GPC6: variants seen among roughly 807,000 people sequenced by gnomAD.
GPC6 encodes glypican-6.
GPC6 carries 14 observed loss-of-function variants against 55.2 expected under a neutral mutation model. That is an observed-to-expected ratio of 0.25 (90% CI 0.17 to 0.40). GPC6 has a LOEUF of 0.40. Among genes scored for constraint, GPC6 ranks in the 10% least tolerant of loss-of-function variants. The pLI, the probability that GPC6 is intolerant of heterozygous loss-of-function variation, is 1.00. For missense variants in GPC6, 641 were observed against 708.5 expected, an observed-to-expected ratio of 0.90 and a Z score of 1.08; for synonymous variants, 278 against 259.6, an observed-to-expected ratio of 1.07 and a Z score of -0.68.
intron 2 of GPC6, among the ~76,000 whole-genome samples, chr13:93,565,948 A>G (rs144939405): frequency 2.6e-4 from 36 of 140,092 alleles, no homozygotes; most frequent in South Asian, 6.8e-4. Flanking sequence ...AAAAAAAAAG[A>G]AAAAAAAAAC....
At chr13:94,007,049 T>C (rs753881571) in intron 3 of GPC6, among the ~76,000 whole-genome samples, 2 of 152,190 alleles carry the variant, frequency 1.3e-5, no homozygotes, top group Non-Finnish European at 2.9e-5. Flanking sequence ...TACAAACTAA[T>C]TTTTAAAGCA....
At chr13:94,296,823 A>G (rs957859847) in intron 5 of GPC6, among the ~76,000 whole-genome samples, 2 of 152,216 alleles carry the variant, frequency 1.3e-5, no homozygotes, top group African/African-American at 4.8e-5. Flanking sequence ...CCTTATAGAT[A>G]CGACTGACAC....
At chr13:93,505,861 A>G (rs866433394) in intron 1 of GPC6, among the ~76,000 whole-genome samples, 3 of 152,206 alleles carry the variant, frequency 2.0e-5, no homozygotes, top group African/African-American at 7.2e-5. Context: ...ACTTTGGGAC[A>G]TAGGAATAAA....
chr13:93,269,562 C>T (rs1594063178), intron 1 of GPC6, among the ~76,000 whole-genome samples: 3 of 152,136 alleles, frequency 2.0e-5, no homozygotes, highest in Admixed American at 2.0e-4. Context: ...GCCTTTCTCC[C>T]ACCTTCTTTT....
intron 1 of GPC6, among the ~76,000 whole-genome samples, chr13:93,540,093 C>G (rs1882228783): frequency 6.6e-6 from 1 of 152,032 alleles, no homozygotes; most frequent in African/African-American, 2.4e-5. Flanking sequence ...TCAGAGTAGT[C>G]TTGTCTGAGG....
At chr13:93,571,159 A>G (rs746347830) in intron 2 of GPC6, among the ~76,000 whole-genome samples, 18 of 152,132 alleles carry the variant, frequency 1.2e-4, no homozygotes, top group Non-Finnish European at 2.4e-4. Flanking sequence ...GGAAGAGGTA[A>G]CAGGGAGATC....
At chr13:93,253,799 A>G (rs1366638116) in intron 1 of GPC6, among the ~76,000 whole-genome samples, 1 of 152,208 alleles carries the variant, frequency 6.6e-6, no homozygotes, top group African/African-American at 2.4e-5. Context: ...GTTCAAGTAA[A>G]TGGAACTTGC....
intron 1 of GPC6, among the ~76,000 whole-genome samples, chr13:93,231,010 A>G (rs1278464854): frequency 6.6e-6 from 1 of 152,050 alleles, no homozygotes; most frequent in African/African-American, 2.4e-5. Flanking sequence ...CTTATATAGA[A>G]TTTACTATGT....
intron 4 of GPC6, among the ~76,000 whole-genome samples, chr13:94,279,548 G>C (rs1291184410): frequency 6.6e-6 from 1 of 152,004 alleles, no homozygotes; most frequent in Non-Finnish European, 1.5e-5. Context: ...GTATCGATCT[G>C]AGATCTTTCT....
chr13:94,245,830 G>A (rs544350696), intron 4 of GPC6, among the ~76,000 whole-genome samples: 2 of 152,114 alleles, frequency 1.3e-5, no homozygotes, highest in East Asian at 3.9e-4. Flanking sequence ...ATGCTGTAGT[G>A]AACATGGGAT....
chr13:93,451,095 G>T (rs1478751556), intron 1 of GPC6, among the ~76,000 whole-genome samples: 2 of 152,156 alleles, frequency 1.3e-5, no homozygotes, highest in Non-Finnish European at 2.9e-5. Context: ...AGAGAGAAAA[G>T]AATCAAAGAT....
Position 93,289,574 on chromosome 13 carries a change from T to C in GPC6, c.160+61958T>C, listed in dbSNP as rs553863717. 3.9e-3 allele frequency among the ~76,000 whole-genome samples: 592 copies of C among 152,298 alleles called. 4 individuals carry two copies. Among genetic ancestry groups the C allele is most frequent in the Non-Finnish European group, 5.8e-3 (397 of 68,010 alleles). On this transcript the variant is annotated intron_variant, in intron 1 of 8. Transcript: ENST00000377047. ...TGCCGAAATTACTAACATAAATATA[T>C]GTATATCTTCATATCCACTTATAGA...
chr13:93,482,727 A>G (rs1052603639), intron 1 of GPC6, among the ~76,000 whole-genome samples: 1 of 152,122 alleles, frequency 6.6e-6, no homozygotes, highest in Non-Finnish European at 1.5e-5. Context: ...TGGGATTCAT[A>G]TATTTTGTAT....
intron 1 of GPC6, among the ~76,000 whole-genome samples, chr13:93,521,162 G>C (rs1040358942): frequency 5.3e-5 from 8 of 151,806 alleles, no homozygotes; most frequent in African/African-American, 1.9e-4. Flanking sequence ...CACCTATAAA[G>C]CATCTAGTTG....
intron 2 of GPC6, among the ~76,000 whole-genome samples, chr13:93,685,722 A>G (rs1373995650): frequency 6.6e-6 from 1 of 152,136 alleles, no homozygotes; most frequent in Non-Finnish European, 1.5e-5. Flanking sequence ...CACAGATAAA[A>G]CAAACAAACA....
intron 3 of GPC6, among the ~76,000 whole-genome samples, chr13:93,903,638 T>C (rs1215984114): frequency 6.6e-6 from 1 of 152,220 alleles, no homozygotes; most frequent in Admixed American, 6.5e-5. Context: ...CCTGTGCTGC[T>C]TATCTGTAAA....
intron 4 of GPC6, among the ~76,000 whole-genome samples, chr13:94,238,948 A>C (rs1343636303): frequency 6.6e-6 from 1 of 152,192 alleles, no homozygotes; most frequent in Non-Finnish European, 1.5e-5. Flanking sequence ...AAAGGTGGGA[A>C]AATGCCTTTT....
intron 5 of GPC6, among the ~76,000 whole-genome samples, chr13:94,302,887 G>T (rs937140684): frequency 2.0e-5 from 3 of 152,246 alleles, no homozygotes; most frequent in Admixed American, 2.0e-4. Flanking sequence ...GTGGGTCACG[G>T]AAGAGAACCG....
rs191598993 is a variant in GPC6, at chr13:93,774,748, T to C, written c.320-55406T>C. Among the ~76,000 whole-genome samples, 542 of 152,260 alleles carry C rather than the reference T, an allele frequency of 3.6e-3. 5 individuals carry two copies. The highest frequency in any genetic ancestry group is 0.012 in the African/African-American group (518 of 41,548). On this transcript the variant is annotated intron_variant, in intron 2 of 8. Transcript: ENST00000377047. The stretch of plus-strand genomic sequence containing the variant: ...CATATCCTGTTCTGGGCTCTGGAAA[T>C]TGATGATGAAAAAGACAGGGAAAGT...
Sources: gnomAD v4.1 joint callset for allele counts (sites outside exome capture counted in the v4.1 genomes callset) on GRCh38, gnomAD v4.1.1 for gene constraint, MANE v1.5 for transcripts, NCBI Gene and HGNC (gene_info 2026-07-23, HGNC 2026-07-21) for gene names.